The following KANSL1L variants were observed in gnomAD, a reference collection of about 807,000 sequenced individuals.
KANSL1L encodes the protein KAT8 regulatory NSL complex subunit 1-like protein.
A neutral mutation model predicts 108.6 loss-of-function variants in KANSL1L; 25 were observed. That is an observed-to-expected ratio of 0.23 (90% confidence interval 0.17 to 0.32). The LOEUF (loss-of-function observed/expected upper bound fraction) is 0.32. Ranked by LOEUF, KANSL1L falls within the 10% of genes least tolerant of loss-of-function variation. KANSL1L has a pLI of 1.00. For synonymous variants in KANSL1L, 405 were observed against 395.1 expected (o/e 1.03, Z -0.30); for missense variants, 1,137 against 1,125.7 (o/e 1.01, Z -0.14).
chr2:210,083,924 C>T (rs1013469620), intron 5 of KANSL1L, among the ~76,000 whole-genome samples: 1 of 150,948 alleles, frequency 6.6e-6, no homozygotes, highest in Non-Finnish European at 1.5e-5. Context: ...AAAGTAAATA[C>T]CTCTCTCAAA....
intron 5 of KANSL1L, among the ~76,000 whole-genome samples, chr2:210,093,187 C>A (rs1040640240): frequency 3.3e-5 from 5 of 152,130 alleles, no homozygotes; most frequent in Admixed American, 2.6e-4. Flanking sequence ...ACTCTGTCAC[C>A]CAGGCTGAAG....
intron 6 of KANSL1L, among the ~76,000 whole-genome samples, chr2:210,054,238 C>T (rs1341560802): frequency 2.0e-5 from 3 of 150,182 alleles, no homozygotes; most frequent in Admixed American, 6.7e-5. Flanking sequence ...AAGAGAATGG[C>T]GTGAACTCAG....
Position 210,115,411 on chromosome 2 carries a change from G to C in KANSL1L, c.1231-11110C>G, listed in dbSNP as rs140735608. On this transcript the variant is annotated intron_variant, in intron 3 of 14. Coordinates refer to ENST00000281772, the MANE Select transcript of KANSL1L (RefSeq NM_152519.4). ...ACCAGTCTAAATTCCTATGTTTATA[G>C]GATAACAGATAAGAAAATAAACAAC... Among the ~76,000 whole-genome samples the C allele has an allele frequency of 9.5e-3, 1,440 of 152,212 alleles. 22 individuals are homozygous for C. Among genetic ancestry groups the C allele is most frequent in the African/African-American group, 0.03 (1,237 of 41,516 alleles).
chr2:210,028,941 T>C lies in KANSL1L; in HGVS notation c.2300A>G (p.Glu767Gly), dbSNP rs1311568452. Reference sequence around the variant, plus strand: ...AATGTTATCTATGTCATAAGAGCTCTCACTTCTCAATCTCCGTCGTGCAGT... The same window carrying C: ...AATGTTATCTATGTCATAAGAGCTCCCACTTCTCAATCTCCGTCGTGCAGT... ...RNTARRRLRS[E>G]SSYDIDNIVI... Residue 767 changes from glutamate to glycine, a missense_variant, in exon 11 of 15, where the codon GAG (glutamate) becomes GGG (glycine). Around this residue, in one of 3 missense-constraint regions of KANSL1L, gnomAD observed 575 missense variants for 567.1 expected, o/e 1.01. Coordinates refer to ENST00000281772, the MANE Select transcript of KANSL1L (RefSeq NM_152519.4). The C allele has an allele frequency of 3.1e-6, 5 of 1,610,720 alleles. No individual in the cohort carries two copies. In the African/African-American group the frequency reaches 4.0e-5, roughly 13 times the overall value.
intron 5 of KANSL1L, among the ~76,000 whole-genome samples, chr2:210,078,652 T>C (rs1371447529): frequency 6.6e-6 from 1 of 152,224 alleles, no homozygotes; most frequent in Non-Finnish European, 1.5e-5. Flanking sequence ...AAACCACTGA[T>C]AAATTCACTT....
At chr2:210,129,533 C>T (rs894654962) in intron 2 of KANSL1L, among the ~76,000 whole-genome samples, 2 of 152,060 alleles carry the variant, frequency 1.3e-5, no homozygotes, top group African/African-American at 4.8e-5. Context: ...AACTTTTATA[C>T]GTAAGTAGAT....
intron 2 of KANSL1L, among the ~76,000 whole-genome samples, chr2:210,139,034 G>C (rs1245357324): frequency 1.3e-5 from 2 of 152,172 alleles, no homozygotes; most frequent in African/African-American, 4.8e-5. Flanking sequence ...GGGAGGTAGA[G>C]GTTGCAGGGA....
At chr2:210,102,550 T>A (rs1195216597) in intron 4 of KANSL1L, among the ~76,000 whole-genome samples, 1 of 151,898 alleles carries the variant, frequency 6.6e-6, no homozygotes, top group Non-Finnish European at 1.5e-5. Flanking sequence ...TGGGAGAAAA[T>A]TTTTGCAATC....
chr2:210,075,482 C>T lies in KANSL1L; in HGVS notation c.1755+70G>A, dbSNP rs555016169. ...AAGTGTTATGCTAAATAACAATCTA[C>T]ATCTTCTCATGCATGAAATATGCTG... On this transcript the variant is annotated intron_variant, in intron 6 of 14. Coordinates refer to ENST00000281772, the MANE Select transcript of KANSL1L (RefSeq NM_152519.4). The T allele has an allele frequency of 2.2e-5, 22 of 997,692 alleles. No individual in the cohort carries two copies. In the African/African-American group the frequency reaches 3.5e-4, roughly 16 times the overall value. The allele number at this position is 997,692 out of a possible 1,614,324, so 61.8% of individuals were successfully genotyped here.
chr2:210,036,160 C>G (rs2094100427), intron 8 of KANSL1L, among the ~76,000 whole-genome samples: 1 of 152,076 alleles, frequency 6.6e-6, no homozygotes, highest in Non-Finnish European at 1.5e-5. Context: ...TAAGTAGTTA[C>G]ATACTCCTTA....
chr2:210,164,127 C>T (rs889495671), intron 1 of KANSL1L, among the ~76,000 whole-genome samples: 2 of 152,042 alleles, frequency 1.3e-5, no homozygotes, highest in Non-Finnish European at 2.9e-5. Context: ...AATTTAATGT[C>T]ATCATATATA....
intron 2 of KANSL1L, among the ~76,000 whole-genome samples, chr2:210,150,853 C>G (rs909188375): frequency 1.3e-5 from 2 of 151,288 alleles, no homozygotes; most frequent in African/African-American, 4.9e-5. Context: ...TGGTATCTAC[C>G]CTTAATAGGG....
intron 2 of KANSL1L, among the ~76,000 whole-genome samples, chr2:210,141,285 T>C (rs1449069102): frequency 6.6e-6 from 1 of 152,110 alleles, no homozygotes; most frequent in Non-Finnish European, 1.5e-5. Flanking sequence ...ATATGTTGAA[T>C]AGATTGGTCA....
chr2:210,156,469 C>G (rs919620281), intron 1 of KANSL1L, among the ~76,000 whole-genome samples: 1 of 151,886 alleles, frequency 6.6e-6, no homozygotes, highest in African/African-American at 2.4e-5. Flanking sequence ...TGATGGAATA[C>G]TATATTGCCA....
At chr2:210,034,673 TGA>T in intron 8 of KANSL1L, among the ~76,000 whole-genome samples, 1 of 152,306 alleles carries the variant, frequency 6.6e-6, no homozygotes, top group African/African-American at 2.4e-5. Context: ...TGTTGGACTG[TGA>T]GAGTAGTCGA....
intron 5 of KANSL1L, among the ~76,000 whole-genome samples, chr2:210,084,971 A>G (rs1447778357): frequency 6.6e-6 from 1 of 152,154 alleles, no homozygotes; most frequent in Non-Finnish European, 1.5e-5. Flanking sequence ...AAAATAAAAG[A>G]GACTTAGGAG....
At chr2:210,097,982 TA>T (rs1170498274) in intron 5 of KANSL1L, 103 bp downstream of exon 5, 12 of 894,040 alleles carry the variant, frequency 1.3e-5, no homozygotes, top group Non-Finnish European at 2.0e-5. Context: ...GCCCCTAATG[TA>T]CAAAAAAAGT....
intron 1 of KANSL1L, among the ~76,000 whole-genome samples, chr2:210,157,340 T>C (rs1481248137): frequency 6.6e-6 from 1 of 152,016 alleles, no homozygotes; most frequent in Admixed American, 6.5e-5. Context: ...AGGTGAAATA[T>C]CACAAGGCAG....
intron 1 of KANSL1L, among the ~76,000 whole-genome samples, chr2:210,169,800 A>G (rs761642122): frequency 2.0e-5 from 3 of 152,230 alleles, no homozygotes; most frequent in East Asian, 1.9e-4. Context: ...ATACTCAAAT[A>G]TATTCTATTT....
Sources: gnomAD v4.1 joint callset for allele counts (sites outside exome capture counted in the v4.1 genomes callset) on GRCh38, gnomAD v4.1.1 for gene constraint, gnomAD v4.1.1 regional missense constraint, MANE v1.5 for transcripts, NCBI Gene and HGNC (gene_info 2026-07-23, HGNC 2026-07-21) for gene names.